Variants in RALGAPA2 observed in about 807,000 individuals in gnomAD.
RALGAPA2 encodes the protein Ral GTPase activating protein catalytic subunit alpha 2, also known as ral GTPase-activating protein subunit alpha-2.
A neutral mutation model predicts 230.4 loss-of-function variants in RALGAPA2; 139 were observed. The ratio of observed to expected loss-of-function variants is 0.60; its 90% CI spans 0.53 to 0.69. RALGAPA2 has a LOEUF of 0.69. Ranked by LOEUF, RALGAPA2 falls within the 30% of genes least tolerant of loss-of-function variation. The pLI is 0.00. For missense variants in RALGAPA2, 2,163 were observed against 2,276.0 expected (o/e 0.95, Z 1.01); for synonymous variants, 847 against 837.8 (o/e 1.01, Z -0.19).
At chr20:20,550,350 A>G (rs1289708732) in intron 23 of RALGAPA2, among the ~76,000 whole-genome samples, 1 of 152,242 alleles carries the variant, frequency 6.6e-6, no homozygotes, top group African/African-American at 2.4e-5. Flanking sequence ...ATACAATGAC[A>G]GTAATCAATG....
chr20:20,467,432 C>T (rs948820966), intron 37 of RALGAPA2, among the ~76,000 whole-genome samples: 1 of 152,172 alleles, frequency 6.6e-6, no homozygotes, highest in Non-Finnish European at 1.5e-5. Context: ...AAAATATTTT[C>T]CTGTTTCCAA....
chr20:20,663,217 C>T (rs1056023114), intron 3 of RALGAPA2, among the ~76,000 whole-genome samples: 1 of 152,058 alleles, frequency 6.6e-6, no homozygotes, highest in Non-Finnish European at 1.5e-5. Flanking sequence ...AGGTAGTAGG[C>T]AGAAAAGAGA....
chr20:20,708,009 G>T (rs531221217), intron 1 of RALGAPA2, among the ~76,000 whole-genome samples: 1 of 152,152 alleles, frequency 6.6e-6, no homozygotes, highest in South Asian at 2.1e-4. Context: ...AGTGACATAT[G>T]GCTAATGAGC....
intron 16 of RALGAPA2, among the ~76,000 whole-genome samples, chr20:20,599,043 A>G (rs1214496081): frequency 3.3e-5 from 5 of 152,212 alleles, no homozygotes; most frequent in Admixed American, 6.5e-5. Flanking sequence ...CAATCCACAA[A>G]TAATTTTATT....
chr20:20,471,206 T>C (rs1253931067), intron 37 of RALGAPA2: 1 of 152,154 alleles, frequency 6.6e-6, no homozygotes, highest in Admixed American at 6.5e-5. Flanking sequence ...TGATTCTGAA[T>C]AGTATCCTTT....
rs2060966741 is a variant in RALGAPA2 at position 20,450,649 on chromosome 20, C to T, written c.5495+22180G>A. On this transcript the variant is annotated intron_variant, in intron 37 of 39. Transcript: ENST00000202677. ...GCCAAGACCCAGCTTCCTCGAGCTTCACTCTCCCCATCTGTGGGTTAACAC... is the reference window on the plus strand; with the variant it reads ...GCCAAGACCCAGCTTCCTCGAGCTTTACTCTCCCCATCTGTGGGTTAACAC... Among the ~76,000 whole-genome samples, 3 of 152,240 alleles carry T rather than the reference C, an allele frequency of 2.0e-5. No individual in the cohort carries two copies. In the South Asian group the frequency reaches 6.2e-4, roughly 31 times the overall value.
chr20:20,531,908 T>C (rs1421871824), intron 26 of RALGAPA2, 113 bp from the exon 27 acceptor site: 7 of 866,880 alleles, frequency 8.1e-6, no homozygotes, highest in East Asian at 5.3e-5. Flanking sequence ...GCAAATATTA[T>C]AGATCTATTA....
At chr20:20,400,149 T>C (rs2059802069) in intron 38 of RALGAPA2, among the ~76,000 whole-genome samples, 1 of 152,166 alleles carries the variant, frequency 6.6e-6, no homozygotes, top group Non-Finnish European at 1.5e-5. Context: ...AGGCAGTGGA[T>C]GGGGTAAGCC....
At chr20:20,550,529 G>A (rs150780283) in intron 23 of RALGAPA2, among the ~76,000 whole-genome samples, 6 of 152,282 alleles carry the variant, frequency 3.9e-5, no homozygotes, top group African/African-American at 1.4e-4. Flanking sequence ...CTGCAGAGAG[G>A]AGGAAAGGGG....
chr20:20,691,973 A>T (rs1207899797), intron 1 of RALGAPA2, among the ~76,000 whole-genome samples: 1 of 151,988 alleles, frequency 6.6e-6, no homozygotes, highest in Non-Finnish European at 1.5e-5. Flanking sequence ...ATGAAAACTG[A>T]TTGTTACAAA....
At chr20:20,413,448 C>T (rs551859220) in intron 37 of RALGAPA2, among the ~76,000 whole-genome samples, 2 of 152,152 alleles carry the variant, frequency 1.3e-5, no homozygotes, top group Non-Finnish European at 2.9e-5. Flanking sequence ...CGTGAGGAGA[C>T]CAGAGGCATT....
At chr20:20,539,959 A>G (rs991520162) in intron 24 of RALGAPA2, among the ~76,000 whole-genome samples, 4 of 152,220 alleles carry the variant, frequency 2.6e-5, no homozygotes, top group African/African-American at 7.2e-5. Flanking sequence ...TAAAGGCTGA[A>G]TAACACTCCA....
intron 37 of RALGAPA2, among the ~76,000 whole-genome samples, chr20:20,433,793 A>G (rs949934648): frequency 6.6e-6 from 1 of 152,258 alleles, no homozygotes; most frequent in African/African-American, 2.4e-5. Context: ...GACCAGGATT[A>G]GCATCTCTGC....
At chr20:20,625,582 G>A (rs2066466712) in intron 10 of RALGAPA2, among the ~76,000 whole-genome samples, 1 of 152,064 alleles carries the variant, frequency 6.6e-6, no homozygotes, top group African/African-American at 2.4e-5. Context: ...ATATAGTATT[G>A]TACACACATA....
rs2063810785 is a variant in RALGAPA2 at position 20,547,679 on chromosome 20, AAAACCAC to A, written c.3157-854_3157-848del. On this transcript the variant is annotated intron_variant, in intron 23 of 39. Coordinates refer to ENST00000202677, the MANE Select transcript of RALGAPA2 (RefSeq NM_020343.4). Reference sequence around the variant, plus strand: ...TGTGTGTGTAACAGGAATTAGTAAGAAAACCACAAACCACAAACTTATGCAGCTGTTG... The same window carrying A: ...TGTGTGTGTAACAGGAATTAGTAAGAAAACCACAAACTTATGCAGCTGTTG... 2.0e-5 allele frequency among the ~76,000 whole-genome samples: 3 copies of A among 152,242 alleles called. No homozygotes were observed. The South Asian group carries it at 6.2e-4, about 31-fold the overall frequency.
chr20:20,600,658 G>A (rs903727971), intron 16 of RALGAPA2, among the ~76,000 whole-genome samples: 44 of 152,158 alleles, frequency 2.9e-4, no homozygotes, highest in African/African-American at 1.1e-3. Flanking sequence ...AGGATCTTGC[G>A]ACTTTCTGAA....
chr20:20,452,524 CG>C (rs2061010457), intron 37 of RALGAPA2, among the ~76,000 whole-genome samples: 2 of 152,328 alleles, frequency 1.3e-5, no homozygotes, highest in Non-Finnish European at 2.9e-5. Flanking sequence ...CTCCTCCCGG[CG>C]GCGAGGACAG....
chr20:20,404,831 G>A (rs765636398), intron 38 of RALGAPA2, among the ~76,000 whole-genome samples: 1 of 152,084 alleles, frequency 6.6e-6, no homozygotes, highest in Non-Finnish European at 1.5e-5. Flanking sequence ...CAGAAAAACC[G>A]CACCTTCAGA....
chr20:20,493,949 CT>C (rs1360618462), intron 36 of RALGAPA2, among the ~76,000 whole-genome samples: 2 of 152,120 alleles, frequency 1.3e-5, no homozygotes, highest in African/African-American at 2.4e-5. Flanking sequence ...CAGAATGGGA[CT>C]TTTATGAATT....
Sources: gnomAD v4.1 joint callset for allele counts (sites outside exome capture counted in the v4.1 genomes callset) on GRCh38, gnomAD v4.1.1 for gene constraint, MANE v1.5 for transcripts, NCBI Gene and HGNC (gene_info 2026-07-23, HGNC 2026-07-21) for gene names.